PAPLN: variants seen among roughly 807,000 people sequenced by gnomAD.
PAPLN encodes papilin, proteoglycan like sulfated glycoprotein.
PAPLN carries 146 observed loss-of-function variants against 159.0 expected under a neutral mutation model. The ratio of observed to expected loss-of-function variants is 0.92; its 90% CI spans 0.80 to 1.05. The LOEUF (loss-of-function observed/expected upper bound fraction) is 1.05. Ranked by LOEUF, PAPLN falls within the 50% of genes least tolerant of loss-of-function variation. The pLI, the probability that PAPLN is intolerant of heterozygous loss-of-function variation, is 0.00. For synonymous variants in PAPLN, 734 were observed against 702.9 expected, an observed-to-expected ratio of 1.04 and a Z score of -0.70; for missense variants, 1,720 against 1,743.9, an observed-to-expected ratio of 0.99 and a Z score of 0.24.
intron 14 of PAPLN, among the ~76,000 whole-genome samples, chr14:73,256,963 A>G (rs1885983301): frequency 6.6e-6 from 1 of 152,188 alleles, no homozygotes; most frequent in Admixed American, 6.5e-5. Context: ...CCATGTGGGA[A>G]TGGAATATTA....
chr14:73,263,625 C>A lies in PAPLN; in HGVS notation c.2724-20C>A. On this transcript the variant is annotated intron_variant, in intron 19 of 26. Transcript: ENST00000644200. ...CTGGCGCTCATGCCAGTCAGCAGAT[C>A]TCACTTCCCACCTCTCCAGGATTAG... is the stretch of plus-strand genomic sequence containing the variant. 1 of 1,613,514 alleles carries A rather than the reference C, an allele frequency of 6.2e-7. No individual in the cohort carries two copies. Among genetic ancestry groups the A allele is most frequent in the Non-Finnish European group, 8.5e-7 (1 of 1,179,978 alleles).
chr14:73,268,662 CAGTG>C lies in PAPLN; in HGVS notation c.3607_3610del (p.Ser1203ProfsTer14). On this transcript the variant is annotated frameshift_variant, in exon 26 of 27. Transcript: ENST00000644200. LOFTEE classifies it high-confidence loss of function. ...CCAGGGATGAGGGCTCCTACACGTG[CAGTG>C]CCTACCAGGGGAGCCAGGCAGTCAG... 6.2e-7 allele frequency: 1 copy of C among 1,613,924 alleles called. No homozygotes were observed. Among genetic ancestry groups the C allele is most frequent in the Non-Finnish European group, 8.5e-7 (1 of 1,179,930 alleles).
chr14:73,253,770 T>G lies in PAPLN; in HGVS notation c.1111T>G (p.Trp371Gly). The G allele has an allele frequency of 6.2e-7, 1 of 1,600,420 alleles. No homozygotes were observed. Among genetic ancestry groups the G allele is most frequent in the Non-Finnish European group, 8.5e-7 (1 of 1,169,958 alleles). The change falls in exon 12 of 27, where the codon TGG becomes GGG. Residue 371 changes from tryptophan to glycine, a missense_variant. Transcript: ENST00000644200. The part of the protein sequence containing the change: ...PETKRWKAGP[W>G]APCSASCGGG... ...TCCTGCCAGCTGGAAGGCAGGGCCA[T>G]GGGCACCCTGCTCAGCCTCCTGTGG...
rs894704994 is a variant in PAPLN, at chr14:73,266,703, T to C, written c.3392-20T>C. 1 of 1,613,896 alleles carries C rather than the reference T, an allele frequency of 6.2e-7. No individual in the cohort carries two copies. Among genetic ancestry groups the C allele is most frequent in the Non-Finnish European group, 8.5e-7 (1 of 1,179,928 alleles). ...GCAGGATCTTCATAGTGGCTGACAA[T>C]GACTTGTCCTTGTGCCCAGGGGAGC... On this transcript the variant is annotated intron_variant, in intron 24 of 26. Coordinates refer to ENST00000644200, the MANE Select transcript of PAPLN (RefSeq NM_001365906.3).
Position 73,266,762 on chromosome 14 carries a change from T to C in PAPLN, c.3431T>C (p.Val1144Ala). Reference protein sequence around the residue: ...TISGLPPTVTVPEGDTARLLC... With the variant: ...TISGLPPTVTAPEGDTARLLC... The stretch of plus-strand genomic sequence containing the variant: ...TCAGGACTGCCCCCTACTGTGACAG[T>C]GCCAGAGGGTGATACGGCCAGGCTA... The change falls in exon 25 of 27, where the codon GTG (valine) becomes GCG (alanine). Residue 1144 changes from valine (V) to alanine (A), a missense_variant. Physicochemically the swap from Val to Ala is moderately conservative, Grantham distance 64. Coordinates refer to ENST00000644200, the MANE Select transcript of PAPLN (RefSeq NM_001365906.3). 1.2e-6 allele frequency: 2 copies of C among 1,613,928 alleles called. No homozygotes were observed. Among genetic ancestry groups the C allele is most frequent in the Non-Finnish European group, 8.5e-7 (1 of 1,179,926 alleles).
rs1566682816 is a variant in PAPLN, at chr14:73,251,708, A to G, written c.715A>G (p.Thr239Ala). Residue 239 changes from threonine to alanine, a missense_variant, in exon 9 of 27, where the codon ACC (threonine) becomes GCC (alanine). Coordinates refer to ENST00000644200, the MANE Select transcript of PAPLN (RefSeq NM_001365906.3). The part of the protein sequence containing the change: ...RGEYYLNGHW[T>A]IEAARALPAA... ...GGAATACTACCTCAATGGGCACTGG[A>G]CCATCGAGGCGGCCCGGGCCCTGCC... 1 of 1,613,288 alleles carries G rather than the reference A, an allele frequency of 6.2e-7. No homozygotes were observed. Among genetic ancestry groups the G allele is most frequent in the Non-Finnish European group, 8.5e-7 (1 of 1,179,980 alleles).
chr14:73,244,929 C>A, intron 3 of PAPLN, 170 bp downstream of exon 3: 4 of 567,730 alleles, frequency 7.0e-6, no homozygotes, highest in Non-Finnish European at 1.2e-5. Flanking sequence ...GGAAATCAAA[C>A]CATTTCCCAG....
Position 73,273,866 on chromosome 14 carries a change from A to G in PAPLN, c.*1202A>G, listed in dbSNP as rs985560784. ...AATGGAATAGATGTTAAGACCTCAA[A>G]TAGGGATTTGGGATGAAACAGCTGC... On this transcript the variant is annotated 3_prime_UTR_variant, in exon 27 of 27. Transcript: ENST00000644200. The G allele has an allele frequency of 7.2e-5, 11 of 152,212 alleles. No homozygotes were observed. The highest frequency in any genetic ancestry group is 2.7e-4 in the African/African-American group (11 of 41,424). 9.4% of individuals were successfully genotyped at this position (152,212 alleles called of 1,614,324 possible). A position where few individuals can be genotyped will look rare whatever the true frequency, so the allele number is the denominator to read the frequency against.
rs781075958 is a variant in PAPLN, at chr14:73,251,605, T to C, written c.670+39T>C. 13 of 1,613,250 alleles carry C rather than the reference T, an allele frequency of 8.1e-6. 1 individual carries two copies. The Admixed American group carries it at 1.2e-4, about 14-fold the overall frequency. On this transcript the variant is annotated intron_variant, in intron 8 of 26. Coordinates refer to ENST00000644200, the MANE Select transcript of PAPLN (RefSeq NM_001365906.3). ...GTTAGGTCCTAGGCAGGTCTGGGGC[T>C]GCAGGGGGAGGTGCGGCACTGCTCC...
intron 2 of PAPLN, among the ~76,000 whole-genome samples, chr14:73,240,175 G>A (rs532638133): frequency 1.8e-4 from 27 of 152,204 alleles, no homozygotes; most frequent in Non-Finnish European, 2.1e-4. Flanking sequence ...CATCCCACCA[G>A]ACACCTGTCT....
In PAPLN at chr14:73,251,559, C is replaced by A; in HGVS notation, c.663C>A (p.Asn221Lys). 1 of 1,612,996 alleles carries A rather than the reference C, an allele frequency of 6.2e-7. No individual in the cohort carries two copies. Among genetic ancestry groups the A allele is most frequent in the African/African-American group, 1.3e-5 (1 of 75,052 alleles). The change falls in exon 8 of 27, where the codon AAC becomes AAA. Residue 221 changes from asparagine to lysine, a missense_variant. Transcript: ENST00000644200. ...ILIDEAAASR[N>K]FLAVKNVRGE... ...TCGACGAGGCTGCTGCCAGCAGGAACTTCCTGGGTGAGAGCCTAGGGTTAG... is the reference window on the plus strand; with the variant it reads ...TCGACGAGGCTGCTGCCAGCAGGAAATTCCTGGGTGAGAGCCTAGGGTTAG...
At chr14:73,252,894 C>A in intron 11 of PAPLN, 119 bp downstream of exon 11, 1 of 1,486,496 alleles carries the variant, frequency 6.7e-7, no homozygotes, top group Non-Finnish European at 9.0e-7. Flanking sequence ...GGGCCCCCCA[C>A]GCTGTGGCTG....
chr14:73,257,410 A>AG (rs11377381), intron 14 of PAPLN, among the ~76,000 whole-genome samples: 125,530 of 151,842 alleles, frequency 0.83, 52,305 homozygotes, highest in Non-Finnish European at 0.87. Context: ...GCATTATTTC[A>AG]GGGGGGGTCC....
At chr14:73,250,329 A>T (rs1168281233) in intron 6 of PAPLN, among the ~76,000 whole-genome samples, 1 of 152,204 alleles carries the variant, frequency 6.6e-6, no homozygotes, top group African/African-American at 2.4e-5. Flanking sequence ...TAGCCCTACA[A>T]TAAGAGAAAC....
rs1297434483 is a variant in PAPLN, at chr14:73,250,089, A to T, written c.440A>T (p.Asp147Val). 1 of 1,611,658 alleles carries T rather than the reference A, an allele frequency of 6.2e-7. No homozygotes were observed. The highest frequency in any genetic ancestry group is 1.3e-5 in the African/African-American group (1 of 74,972). ...ACGCCCTGCGAGCCTGGCAAGAGGG[A>T]TGTCTGTGTGGATGGCAGCTGCCGG... ...DGTPCEPGKR[D>V]VCVDGSCRVV... Residue 147 changes from aspartate (D) to valine (V), a missense_variant, in exon 6 of 27, where the codon GAT (aspartate) becomes GTT (valine). Coordinates refer to ENST00000644200, the MANE Select transcript of PAPLN (RefSeq NM_001365906.3).
chr14:73,257,764 T>C (rs1402541106), intron 14 of PAPLN, among the ~76,000 whole-genome samples: 113 of 134,054 alleles, frequency 8.4e-4, no homozygotes, highest in East Asian at 1.1e-3. Context: ...TTTTTTTTTT[T>C]TTTTTTTTTT....
chr14:73,238,615 C>A (rs1204548162), intron 1 of PAPLN, among the ~76,000 whole-genome samples: 3 of 152,232 alleles, frequency 2.0e-5, no homozygotes, highest in Non-Finnish European at 4.4e-5. Flanking sequence ...GCAGGGGGCT[C>A]CTGCTCTGGG....
chr14:73,257,381 A>G (rs1173834424), intron 14 of PAPLN, among the ~76,000 whole-genome samples: 1 of 147,826 alleles, frequency 6.8e-6, no homozygotes, highest in East Asian at 1.9e-4. Flanking sequence ...CCAAGCACTC[A>G]GAGCAACTTT....
At chr14:73,271,943 T>C (rs1450630737) in intron 26 of PAPLN, among the ~76,000 whole-genome samples, 2 of 152,356 alleles carry the variant, frequency 1.3e-5, no homozygotes, top group South Asian at 4.1e-4. Flanking sequence ...CCTTGTCTAA[T>C]ATGCATTGCT....
Sources: allele counts gnomAD v4.1 joint callset (sites outside exome capture counted in the v4.1 genomes callset), GRCh38; gene constraint gnomAD v4.1.1; transcripts MANE v1.5; gene names NCBI Gene and HGNC (gene_info 2026-07-23, HGNC 2026-07-21).